Variants in ZNF469 observed in about 807,000 individuals in gnomAD.
ZNF469 encodes zinc finger protein 469.
A neutral mutation model predicts 1.0 loss-of-function variants in ZNF469; 1 was observed. The ratio of observed to expected loss-of-function variants is 1.00; its 90% CI spans 0.35 to 4.73. ZNF469 has a LOEUF of 4.73. Ranked by LOEUF, ZNF469 falls within the 30% of genes most tolerant of loss-of-function variation. The pLI, the probability that ZNF469 is intolerant of heterozygous loss-of-function variation, is 0.16. For missense variants in ZNF469, 6,100 were observed against 5,356.3 expected (o/e 1.14, Z -4.33); for synonymous variants, 2,703 against 2,363.4 (o/e 1.14, Z -4.17).
At chr16:88,111,727 C>T in the ZNF469 span, among the ~76,000 whole-genome samples, 1,703 of 152,280 alleles carry the variant, frequency 0.011, 19 homozygotes, top group Non-Finnish European at 0.016. Context: ...ACCTCCGACT[C>T]CCGGGTTCAA....
the ZNF469 span, among the ~76,000 whole-genome samples, chr16:88,335,946 C>T: frequency 6.6e-6 from 1 of 151,430 alleles, no homozygotes; most frequent in Non-Finnish European, 1.5e-5. Flanking sequence ...GAGACACTAA[C>T]ATGCCAATGC....
At chr16:88,327,823 G>A in the ZNF469 span, among the ~76,000 whole-genome samples, 1 of 152,228 alleles carries the variant, frequency 6.6e-6, no homozygotes, top group African/African-American at 2.4e-5. Flanking sequence ...AGGCCCGGCT[G>A]CTTGAGAAAA....
In ZNF469 at chr16:88,438,612, C is replaced by G; in HGVS notation, c.11142C>G (p.Gly3714=). The G allele has an allele frequency of 6.5e-7, 1 of 1,550,082 alleles. No homozygotes were observed. The highest frequency in any genetic ancestry group is 8.7e-7 in the Non-Finnish European group (1 of 1,146,914). ...TGGCACCCGGGGAGCTGGCCCGTGG[C>G]ACAGAGAATGGGATGAAGCCCGCCA... ...GSLAPGELAR[G]TENGMKPATP... Residue 3714 remains glycine, a synonymous_variant, in exon 3 of 3, where the codon GGC becomes GGG. Transcript: ENST00000565624.
chr16:88,386,831 AG>A (rs1440160268), intron 1 of ZNF469, among the ~76,000 whole-genome samples: 3 of 152,062 alleles, frequency 2.0e-5, no homozygotes, highest in Non-Finnish European at 4.4e-5. Flanking sequence ...TGGTTCCGTG[AG>A]GATGGGGCTC....
chr16:88,397,631 G>A (rs77188157), intron 1 of ZNF469, among the ~76,000 whole-genome samples: 34,640 of 138,180 alleles, frequency 0.25, 4,464 homozygotes, highest in African/African-American at 0.37. Flanking sequence ...GTGGATGGAT[G>A]GATGGATGGA....
At chr16:88,179,673 C>T in the ZNF469 span, among the ~76,000 whole-genome samples, 1 of 152,310 alleles carries the variant, frequency 6.6e-6, no homozygotes, top group African/African-American at 2.4e-5. Context: ...GTGTGATTCC[C>T]ATACAGAGTT....
chr16:88,129,609 T>C, the ZNF469 span, among the ~76,000 whole-genome samples: 1 of 152,180 alleles, frequency 6.6e-6, no homozygotes, highest in Non-Finnish European at 1.5e-5. Flanking sequence ...ATCCCAGCAC[T>C]TTGGGAGGCT....
At chr16:88,268,204 T>C in the ZNF469 span, among the ~76,000 whole-genome samples, 1 of 152,250 alleles carries the variant, frequency 6.6e-6, no homozygotes, top group South Asian at 2.1e-4. Flanking sequence ...TCTAGGACAG[T>C]TGTGGCATGA....
the ZNF469 span, among the ~76,000 whole-genome samples, chr16:88,323,084 G>A: frequency 1.1e-4 from 16 of 152,290 alleles, no homozygotes; most frequent in South Asian, 2.1e-4. Context: ...AGTTCCCCTC[G>A]TCTGTAAAGT....
chr16:88,435,219 A>C lies in ZNF469; in HGVS notation c.7749A>C (p.Val2583=). 1 of 1,550,394 alleles carries C rather than the reference A, an allele frequency of 6.4e-7. No individual in the cohort carries two copies. The change falls in exon 3 of 3, where the codon GTA becomes GTC. Residue 2583 remains valine, a synonymous_variant. Coordinates refer to ENST00000565624, the MANE Select transcript of ZNF469 (RefSeq NM_001367624.2). The part of the protein sequence containing the change: ...LHPPSPTEHE[V]DVKTPASKPR... ...CTCCAAGCCCTACTGAGCATGAGGT[A>C]GATGTGAAGACTCCGGCCTCCAAGC...
At chr16:88,286,587 C>T in the ZNF469 span, among the ~76,000 whole-genome samples, 1 of 152,262 alleles carries the variant, frequency 6.6e-6, no homozygotes, top group African/African-American at 2.4e-5. Flanking sequence ...AGGGCTTTGT[C>T]AGTGCAGGTG....
In ZNF469 at chr16:88,430,992, G is replaced by A. The variant is rs9938800; in HGVS notation, c.3522G>A (p.Pro1174=). The change falls in exon 3 of 3, where the codon CCG becomes CCA. Residue 1174 remains proline, a synonymous_variant. Transcript: ENST00000565624. The part of the protein sequence containing the change: ...GPGRSPQARG[P]SRSLETGAAA... ...GCAGGAGCCCTCAGGCCCGTGGCCC[G>A]TCTCGAAGCCTGGAGACGGGAGCGG... The A allele has an allele frequency of 0.96, 1,480,098 of 1,541,694 alleles. 712,945 individuals carry two copies. The highest frequency in any genetic ancestry group is 1 in the East Asian group (40,807 of 40,810).
the ZNF469 span, among the ~76,000 whole-genome samples, chr16:88,244,164 G>A: frequency 6.8e-6 from 1 of 146,566 alleles, no homozygotes; most frequent in Non-Finnish European, 1.5e-5. Flanking sequence ...TGGATGTGTG[G>A]ATGGACAGAT....
At chr16:88,340,359 G>C in the ZNF469 span, among the ~76,000 whole-genome samples, 3 of 152,208 alleles carry the variant, frequency 2.0e-5, no homozygotes, top group African/African-American at 7.2e-5. Flanking sequence ...AGGTATCAAA[G>C]GCCAGTTATC....
At chr16:88,413,051 C>T (rs1905217035) in intron 1 of ZNF469, among the ~76,000 whole-genome samples, 1 of 152,032 alleles carries the variant, frequency 6.6e-6, no homozygotes, top group Non-Finnish European at 1.5e-5. Context: ...CCAGACCAGG[C>T]ACTAGCGGTG....
At chr16:88,396,821 T>C (rs1320480708) in intron 1 of ZNF469, among the ~76,000 whole-genome samples, 63 of 49,538 alleles carry the variant, frequency 1.3e-3, no homozygotes, top group Admixed American at 3.2e-3. Flanking sequence ...GGCAGAGACC[T>C]GTCTGAAGGG....
At chr16:88,248,383 C>A in the ZNF469 span, among the ~76,000 whole-genome samples, 9 of 152,238 alleles carry the variant, frequency 5.9e-5, no homozygotes, top group Admixed American at 4.6e-4. Context: ...AATATTGGTC[C>A]AGTTTCTCTC....
intron 1 of ZNF469, among the ~76,000 whole-genome samples, chr16:88,407,534 C>A (rs186704275): frequency 6.6e-6 from 1 of 152,238 alleles, no homozygotes; most frequent in South Asian, 2.1e-4. Flanking sequence ...GTGCATCCGA[C>A]GTCTGAGTTC....
In ZNF469 at chr16:88,430,403, T is replaced by C; in HGVS notation, c.2933T>C (p.Leu978Pro). ...GSGGGGRASG[L>P]RPRRNDGLGE... is the part of the protein sequence containing the mutation. ...GGCGGCGGCGGCAGAGCCTCCGGCC[T>C]GAGGCCCCGGAGGAACGACGGTCTC... Residue 978 changes from leucine to proline, a missense_variant, in exon 3 of 3, where the codon CTG becomes CCG. Transcript: ENST00000565624. 6.6e-7 allele frequency: 1 copy of C among 1,518,464 alleles called. No individual in the cohort carries two copies. The highest frequency in any genetic ancestry group is 8.8e-7 in the Non-Finnish European group (1 of 1,137,286). 94.1% of individuals were successfully genotyped at this position (1,518,464 alleles called of 1,614,324 possible).
Sources: gnomAD v4.1 joint callset for allele counts (sites outside exome capture counted in the v4.1 genomes callset) on GRCh38, gnomAD v4.1.1 for gene constraint, MANE v1.5 for transcripts, NCBI Gene and HGNC (gene_info 2026-07-23, HGNC 2026-07-21) for gene names.